Variants in ACVR2A observed in about 807,000 individuals in gnomAD.
The protein encoded by ACVR2A is activin A receptor type 2A.
ACVR2A carries 7 observed loss-of-function variants against 61.4 expected under a neutral mutation model. The observed-to-expected ratio is 0.11, with a 90% CI of 0.06 to 0.21. ACVR2A has a LOEUF of 0.21. ACVR2A is among the 10% of genes least tolerant of loss of function. The pLI is 1.00. For missense variants in ACVR2A, 322 were observed against 621.7 expected (o/e 0.52, Z 5.13); for synonymous variants, 193 against 208.3 (o/e 0.93, Z 0.63).
At chr2:147,915,072 C>A in intron 4 of ACVR2A, 119 bp from the exon 5 acceptor site, 2 of 885,946 alleles carry the variant, frequency 2.3e-6, no homozygotes, top group Non-Finnish European at 3.5e-6. Flanking sequence ...TAATGTCATT[C>A]ATATGTGTTT....
intron 1 of ACVR2A, among the ~76,000 whole-genome samples, chr2:147,869,704 A>G (rs951885933): frequency 2.1e-4 from 32 of 152,360 alleles, no homozygotes; most frequent in Admixed American, 5.9e-4. Context: ...AACCAGATGA[A>G]TACCAGCTGA....
intron 1 of ACVR2A, among the ~76,000 whole-genome samples, chr2:147,876,241 C>T (rs1320072191): frequency 6.6e-6 from 1 of 151,982 alleles, no homozygotes; most frequent in Non-Finnish European, 1.5e-5. Flanking sequence ...TTATTCTATT[C>T]TTGTAATTTG....
At chr2:147,882,257 G>A (rs983609974) in intron 1 of ACVR2A, among the ~76,000 whole-genome samples, 1 of 152,184 alleles carries the variant, frequency 6.6e-6, no homozygotes, top group African/African-American at 2.4e-5. Flanking sequence ...AACATTAGAA[G>A]ACCTTAAATA....
chr2:147,871,575 TAAAA>T (rs1027920783), intron 1 of ACVR2A, among the ~76,000 whole-genome samples: 8 of 152,040 alleles, frequency 5.3e-5, no homozygotes, highest in African/African-American at 1.9e-4. Flanking sequence ...GAAGAAAAAG[TAAAA>T]AGAAAGAATA....
At chr2:147,884,829 T>A (rs963507915) in intron 1 of ACVR2A, among the ~76,000 whole-genome samples, 10 of 152,280 alleles carry the variant, frequency 6.6e-5, no homozygotes, top group African/African-American at 2.4e-4. Context: ...TTTTGTTCTG[T>A]TCCAACAGTT....
At chr2:147,910,974 A>G (rs1047043624) in intron 4 of ACVR2A, among the ~76,000 whole-genome samples, 13 of 152,148 alleles carry the variant, frequency 8.5e-5, no homozygotes, top group Non-Finnish European at 1.9e-4. Context: ...CTGTCTCACC[A>G]TTATGATTCT....
At chr2:147,890,376 A>C (rs553118426) in intron 1 of ACVR2A, among the ~76,000 whole-genome samples, 1 of 121,428 alleles carries the variant, frequency 8.2e-6, no homozygotes, top group Non-Finnish European at 1.9e-5. Context: ...GTGTATACAC[A>C]CATACATGTA....
intron 1 of ACVR2A, among the ~76,000 whole-genome samples, chr2:147,885,893 T>G (rs1686419028): frequency 6.6e-6 from 1 of 152,136 alleles, no homozygotes; most frequent in South Asian, 2.1e-4. Context: ...TGGTAAAAAT[T>G]TAAAAAAAGA....
intron 7 of ACVR2A, among the ~76,000 whole-genome samples, chr2:147,919,290 T>C (rs1221990746): frequency 2.6e-5 from 4 of 152,236 alleles, no homozygotes; most frequent in African/African-American, 9.6e-5. Context: ...GCCTCTAATT[T>C]AGGTTCTGAT....
At chr2:147,868,620 AT>A (rs1165322190) in intron 1 of ACVR2A, among the ~76,000 whole-genome samples, 8 of 147,854 alleles carry the variant, frequency 5.4e-5, no homozygotes, top group African/African-American at 1.5e-4. Flanking sequence ...ATTTTATTTT[AT>A]TTTATTTATT....
intron 7 of ACVR2A, among the ~76,000 whole-genome samples, chr2:147,919,473 AT>A (rs1164509669): frequency 2.6e-5 from 4 of 152,154 alleles, no homozygotes; most frequent in African/African-American, 4.8e-5. Flanking sequence ...ACTAAGATCG[AT>A]TAGCTTTTAT....
intron 1 of ACVR2A, 36 bp from the exon 2 acceptor site, chr2:147,896,265 T>C (rs563388723): frequency 1.3e-6 from 2 of 1,553,232 alleles, no homozygotes; most frequent in South Asian, 2.3e-5. Context: ...TTTTAACAGA[T>C]AATGTGGTTA....
chr2:147,896,556 C>T (rs376746351), intron 2 of ACVR2A, 48 bp downstream of exon 2: 3 of 1,555,530 alleles, frequency 1.9e-6, no homozygotes, highest in East Asian at 2.3e-5. Context: ...AATTTTCACA[C>T]TTCCCCTCTT....
intron 2 of ACVR2A, among the ~76,000 whole-genome samples, chr2:147,898,578 C>T (rs1001638189): frequency 6.6e-6 from 1 of 151,990 alleles, no homozygotes; most frequent in Non-Finnish European, 1.5e-5. Context: ...GAATTAAATT[C>T]TACCTTATTA....
chr2:147,891,910 A>G (rs1286339564), intron 1 of ACVR2A, among the ~76,000 whole-genome samples: 1 of 152,160 alleles, frequency 6.6e-6, no homozygotes, highest in Non-Finnish European at 1.5e-5. Context: ...TAATTTAGAA[A>G]GTGCCTATTG....
rs1003557227 is a variant in ACVR2A, at chr2:147,896,467, G to A, written c.222G>A (p.Val74=). 1 of 1,613,870 alleles carries A rather than the reference G, an allele frequency of 6.2e-7. No individual in the cohort carries two copies. Among genetic ancestry groups the A allele is most frequent in the African/African-American group, 1.3e-5 (1 of 74,914 alleles). The change falls in exon 2 of 11, where the codon GTG becomes GTA. Residue 74 remains valine, a synonymous_variant. Transcript: ENST00000241416. ...WKNISGSIEI[V]KQGCWLDDIN... is the part of the protein sequence containing the mutation. ...ATATTTCTGGTTCCATTGAAATAGT[G>A]AAACAAGGTTGTTGGCTGGATGATA...
intron 1 of ACVR2A, among the ~76,000 whole-genome samples, chr2:147,892,402 C>A (rs1240940353): frequency 6.6e-6 from 1 of 150,830 alleles, no homozygotes; most frequent in Non-Finnish European, 1.5e-5. Flanking sequence ...CAACTTATAA[C>A]TACATCTCTG....
chr2:147,889,071 T>C (rs1686514686), intron 1 of ACVR2A, among the ~76,000 whole-genome samples: 1 of 152,172 alleles, frequency 6.6e-6, no homozygotes, highest in African/African-American at 2.4e-5. Flanking sequence ...TATGACCATA[T>C]GATTTTTCAC....
At chr2:147,911,723 T>G (rs1416994804) in intron 4 of ACVR2A, among the ~76,000 whole-genome samples, 3 of 152,050 alleles carry the variant, frequency 2.0e-5, no homozygotes, top group Non-Finnish European at 4.4e-5. Context: ...CTTTTATAAT[T>G]AAAATGTGAT....
Sources: gnomAD v4.1 joint callset for allele counts (sites outside exome capture counted in the v4.1 genomes callset) on GRCh38, gnomAD v4.1.1 for gene constraint, MANE v1.5 for transcripts, NCBI Gene and HGNC (gene_info 2026-07-23, HGNC 2026-07-21) for gene names.